COL25A1: variants seen among roughly 807,000 people sequenced by gnomAD.
The protein encoded by COL25A1 is collagen alpha-1(XXV) chain.
In COL25A1, 103 loss-of-function variants were observed where a neutral mutation model predicts 128.4. The ratio of observed to expected loss-of-function variants is 0.80; its 90% CI spans 0.68 to 0.94. COL25A1 has a LOEUF of 0.94. Among genes scored for constraint, COL25A1 ranks in the 40% least tolerant of loss-of-function variants. The pLI, the probability that COL25A1 is intolerant of heterozygous loss-of-function variation, is 0.00. For synonymous variants in COL25A1, 279 were observed against 277.2 expected, an observed-to-expected ratio of 1.01 and a Z score of -0.06; for missense variants, 745 against 840.0, an observed-to-expected ratio of 0.89 and a Z score of 1.40.
intron 3 of COL25A1, among the ~76,000 whole-genome samples, chr4:109,172,785 C>G (rs1235707433): frequency 1.3e-5 from 2 of 152,128 alleles, no homozygotes; most frequent in Non-Finnish European, 2.9e-5. Flanking sequence ...TTAAAACAGC[C>G]ACTCCTCCTT....
intron 3 of COL25A1, among the ~76,000 whole-genome samples, chr4:109,158,348 T>G (rs902210866): frequency 2.6e-5 from 4 of 151,738 alleles, no homozygotes; most frequent in Non-Finnish European, 5.9e-5. Flanking sequence ...TTCCCAACAA[T>G]GCCTCCAACT....
chr4:109,180,071 G>A (rs755437751), intron 3 of COL25A1, among the ~76,000 whole-genome samples: 1 of 152,140 alleles, frequency 6.6e-6, no homozygotes, highest in African/African-American at 2.4e-5. Context: ...ATGGAAATAC[G>A]TCTGGTTAGA....
intron 3 of COL25A1, among the ~76,000 whole-genome samples, chr4:109,175,977 A>G (rs1774056634): frequency 6.6e-6 from 1 of 152,258 alleles, no homozygotes; most frequent in Non-Finnish European, 1.5e-5. Flanking sequence ...ACTGCATTAG[A>G]GAATTGTATA....
chr4:109,291,715 G>A (rs1481819732), intron 3 of COL25A1, among the ~76,000 whole-genome samples: 3 of 151,978 alleles, frequency 2.0e-5, no homozygotes. Flanking sequence ...GAAGAAATTT[G>A]AAGAAACACA....
chr4:108,844,033 G>A (rs550805901), intron 30 of COL25A1, among the ~76,000 whole-genome samples: 1 of 152,230 alleles, frequency 6.6e-6, no homozygotes, highest in Admixed American at 6.5e-5. Context: ...TGAGTAGCTG[G>A]GACTACAGGC....
chr4:109,125,921 C>T (rs866787514), intron 3 of COL25A1, among the ~76,000 whole-genome samples: 2 of 152,104 alleles, frequency 1.3e-5, no homozygotes, highest in South Asian at 2.1e-4. Flanking sequence ...ATACTATCTA[C>T]TAACCGTTAC....
At chr4:108,988,891 T>A (rs1014560394) in intron 6 of COL25A1, among the ~76,000 whole-genome samples, 1 of 152,174 alleles carries the variant, frequency 6.6e-6, no homozygotes, top group Non-Finnish European at 1.5e-5. Context: ...CTGCAATTCA[T>A]AATTAACCCT....
At chr4:108,941,335 G>A in intron 9 of COL25A1, 31 bp downstream of exon 9, 1 of 1,574,930 alleles carries the variant, frequency 6.3e-7, no homozygotes, top group African/African-American at 1.3e-5. Flanking sequence ...ATGTAAAGAA[G>A]AAATCAGACT....
chr4:109,280,816 T>C (rs1293410145), intron 3 of COL25A1, among the ~76,000 whole-genome samples: 1 of 152,032 alleles, frequency 6.6e-6, no homozygotes, highest in Non-Finnish European at 1.5e-5. Flanking sequence ...CGACTAATTT[T>C]TTGTATTTTT....
At chr4:108,858,044 T>C (rs916713610) in intron 24 of COL25A1, among the ~76,000 whole-genome samples, 1 of 151,904 alleles carries the variant, frequency 6.6e-6, no homozygotes, top group Non-Finnish European at 1.5e-5. Context: ...GATGAACACA[T>C]GCAAAAAGGA....
chr4:108,928,715 T>A (rs530281724), intron 11 of COL25A1, among the ~76,000 whole-genome samples: 1 of 152,090 alleles, frequency 6.6e-6, no homozygotes, highest in African/African-American at 2.4e-5. Context: ...ATTTTTGTTT[T>A]TGTTTGTTTG....
intron 5 of COL25A1, among the ~76,000 whole-genome samples, chr4:109,030,714 G>T (rs1297254041): frequency 6.6e-6 from 1 of 152,060 alleles, no homozygotes; most frequent in African/African-American, 2.4e-5. Flanking sequence ...GTACCACAAT[G>T]CAATGCCTGT....
intron 3 of COL25A1, among the ~76,000 whole-genome samples, chr4:109,288,633 T>TTA (rs1724124034): frequency 6.6e-6 from 1 of 152,128 alleles, no homozygotes; most frequent in Non-Finnish European, 1.5e-5. Context: ...CAACTCCTTC[T>TTA]TTAACATTAG....
chr4:109,254,543 A>G (rs1177848370), intron 3 of COL25A1, among the ~76,000 whole-genome samples: 5 of 139,818 alleles, frequency 3.6e-5, no homozygotes, highest in African/African-American at 7.9e-5. Context: ...ATATCTGTTC[A>G]TGTGTAATAT....
intron 26 of COL25A1, among the ~76,000 whole-genome samples, chr4:108,849,722 G>T (rs2125768509): frequency 6.6e-6 from 1 of 152,306 alleles, no homozygotes; most frequent in Middle Eastern, 3.4e-3. Context: ...TTCTGAGTGT[G>T]AGAGGCCTGC....
intron 32 of COL25A1, among the ~76,000 whole-genome samples, chr4:108,829,834 C>A (rs376985731): frequency 3.3e-5 from 5 of 152,120 alleles, no homozygotes; most frequent in Non-Finnish European, 5.9e-5. Flanking sequence ...AATGAGGTGT[C>A]AGGGGCATCA....
At chr4:108,876,982 A>C (rs1739527580) in intron 19 of COL25A1, among the ~76,000 whole-genome samples, 2 of 152,228 alleles carry the variant, frequency 1.3e-5, no homozygotes, top group South Asian at 4.1e-4. Flanking sequence ...AAGATGAATA[A>C]TAGAATAGCT....
intron 13 of COL25A1, among the ~76,000 whole-genome samples, chr4:108,910,477 T>C (rs566475552): frequency 2.0e-5 from 3 of 152,316 alleles, no homozygotes; most frequent in African/African-American, 7.2e-5. Context: ...CTGATTAAAC[T>C]TAGAGGTAAA....
At chr4:109,225,773 ATC>A (rs1778758875) in intron 3 of COL25A1, among the ~76,000 whole-genome samples, 2 of 152,092 alleles carry the variant, frequency 1.3e-5, no homozygotes, top group Non-Finnish European at 2.9e-5. Flanking sequence ...ATTGTTAAAT[ATC>A]TGTTTATATA....
Sources: gnomAD v4.1 joint callset for allele counts (sites outside exome capture counted in the v4.1 genomes callset) on GRCh38, gnomAD v4.1.1 for gene constraint, MANE v1.5 for transcripts, NCBI Gene and HGNC (gene_info 2026-07-23, HGNC 2026-07-21) for gene names.